The following PLPP4 variants were observed in gnomAD, a reference collection of about 807,000 sequenced individuals.
PLPP4 encodes phospholipid phosphatase 4, also known as diacylglycerol pyrophosphate like 2.
PLPP4 carries 20 observed loss-of-function variants against 32.2 expected under a neutral mutation model. The observed-to-expected ratio is 0.62, with a 90% CI of 0.44 to 0.90. The LOEUF (loss-of-function observed/expected upper bound fraction) is 0.90, where lower values mean the gene tolerates loss of function less well. Ranked by LOEUF, PLPP4 falls within the 40% of genes least tolerant of loss-of-function variation. The pLI is 0.00. For missense variants in PLPP4, 257 were observed against 353.1 expected (o/e 0.73, Z 2.18); for synonymous variants, 127 against 133.0 (o/e 0.95, Z 0.31).
At chr10:120,494,831 T>C (rs1196191055) in intron 1 of PLPP4, among the ~76,000 whole-genome samples, 1 of 152,234 alleles carries the variant, frequency 6.6e-6, no homozygotes, top group Non-Finnish European at 1.5e-5. Flanking sequence ...CATCAAACTT[T>C]GCTCTGCAAA....
chr10:120,472,729 T>G (rs147983658), intron 1 of PLPP4, among the ~76,000 whole-genome samples: 98 of 152,288 alleles, frequency 6.4e-4, no homozygotes, highest in African/African-American at 2.3e-3. Flanking sequence ...ACATATATAT[T>G]AGACAGTTTG....
intron 5 of PLPP4, among the ~76,000 whole-genome samples, chr10:120,572,696 G>A (rs1254569098): frequency 2.0e-5 from 3 of 152,176 alleles, no homozygotes; most frequent in Non-Finnish European, 4.4e-5. Context: ...AAGGAGCTCA[G>A]GATGGGATCA....
chr10:120,571,236 A>G (rs566036759), intron 5 of PLPP4, among the ~76,000 whole-genome samples: 1 of 151,918 alleles, frequency 6.6e-6, no homozygotes, highest in Non-Finnish European at 1.5e-5. Context: ...TTCTACTTAT[A>G]TTTCTGTTGT....
At position 120,590,799 on chromosome 10, in the gene PLPP4, G is replaced by A. The variant is rs577442474; in HGVS notation, c.*1297G>A. 2.1e-4 allele frequency among the ~76,000 whole-genome samples: 29 copies of A among 137,890 alleles called. No individual in the cohort carries two copies. The highest frequency in any genetic ancestry group is 4.5e-3 in the Middle Eastern group (1 of 220). The allele number at this position is 137,890 out of a possible 152,430, so 90.5% of individuals were successfully genotyped here. A position where few individuals can be genotyped will look rare whatever the true frequency, so the allele number is the denominator to read the frequency against. On this transcript the variant is annotated 3_prime_UTR_variant, in exon 7 of 7. Coordinates refer to ENST00000398250, the MANE Select transcript of PLPP4 (RefSeq NM_001030059.3). ...TTTTTTTTTTTTGAGATGGAGTCTC[G>A]CTGTGTCGAGACTGCACTGGAGTGC...
At chr10:120,504,160 A>G (rs1259454171) in intron 2 of PLPP4, among the ~76,000 whole-genome samples, 2 of 152,212 alleles carry the variant, frequency 1.3e-5, no homozygotes, top group African/African-American at 4.8e-5. Flanking sequence ...TAGCACTCAA[A>G]CATAAATTTA....
intron 2 of PLPP4, among the ~76,000 whole-genome samples, chr10:120,509,083 G>T (rs1391450619): frequency 1.3e-5 from 2 of 152,152 alleles, no homozygotes; most frequent in Non-Finnish European, 2.9e-5. Context: ...TTCTTTATCT[G>T]TGAAAGGTGT....
chr10:120,466,849 T>G (rs995840263), intron 1 of PLPP4, among the ~76,000 whole-genome samples: 1 of 152,138 alleles, frequency 6.6e-6, no homozygotes, highest in Non-Finnish European at 1.5e-5. Flanking sequence ...TGTTAGGTGC[T>G]AAAGCCAGTC....
At chr10:120,571,093 CGTGTGTGTGTGTGTGTGTGTGTGT>C (rs60011757) in intron 5 of PLPP4, among the ~76,000 whole-genome samples, 5 of 144,620 alleles carry the variant, frequency 3.5e-5, no homozygotes, top group Non-Finnish European at 7.5e-5. Flanking sequence ...AGTAAAGGGG[CGTGTGTGTGTGTGTGTGTGTGTGT>C]GTGTGTGTGT....
intron 1 of PLPP4, among the ~76,000 whole-genome samples, chr10:120,486,804 G>A (rs1337250562): frequency 6.6e-6 from 1 of 152,330 alleles, no homozygotes; most frequent in East Asian, 1.9e-4. Context: ...CCAAGGGAAT[G>A]GTGTGACGAG....
At chr10:120,515,200 TC>T (rs1433255522) in intron 3 of PLPP4, among the ~76,000 whole-genome samples, 2 of 152,036 alleles carry the variant, frequency 1.3e-5, no homozygotes, top group African/African-American at 4.8e-5. Flanking sequence ...CTCACAGACA[TC>T]CAAGAAAAAG....
At chr10:120,518,998 A>G (rs1846045684) in intron 4 of PLPP4, 102 bp downstream of exon 4, 3 of 755,100 alleles carry the variant, frequency 4.0e-6, no homozygotes, top group Admixed American at 5.1e-5. Context: ...GAGCTCATCT[A>G]GTTCTCCCTT....
chr10:120,536,291 A>G (rs1847013767), intron 5 of PLPP4, among the ~76,000 whole-genome samples: 1 of 152,112 alleles, frequency 6.6e-6, no homozygotes, highest in Non-Finnish European at 1.5e-5. Context: ...CCTGATTTCA[A>G]ATTATATTAT....
chr10:120,570,907 A>G (rs1200427457), intron 5 of PLPP4, among the ~76,000 whole-genome samples: 2 of 152,136 alleles, frequency 1.3e-5, no homozygotes, highest in Admixed American at 1.3e-4. Context: ...CAGGGTGAAA[A>G]GTCATTATCT....
intron 1 of PLPP4, among the ~76,000 whole-genome samples, chr10:120,466,193 G>C (rs1388831525): frequency 6.6e-6 from 1 of 152,164 alleles, no homozygotes; most frequent in Non-Finnish European, 1.5e-5. Context: ...TAATGGGCCT[G>C]GCAAGTGACA....
At chr10:120,481,293 A>G (rs1844192540) in intron 1 of PLPP4, among the ~76,000 whole-genome samples, 1 of 152,146 alleles carries the variant, frequency 6.6e-6, no homozygotes, top group South Asian at 2.1e-4. Flanking sequence ...TGAGGACTGT[A>G]CCATGTGCAG....
chr10:120,567,543 T>C (rs1848746811), intron 5 of PLPP4, among the ~76,000 whole-genome samples: 2 of 152,230 alleles, frequency 1.3e-5, no homozygotes, highest in Non-Finnish European at 2.9e-5. Flanking sequence ...CAATGCCATC[T>C]TGGATTAAAT....
At chr10:120,519,039 T>C in intron 4 of PLPP4, 143 bp downstream of exon 4, 2 of 503,322 alleles carry the variant, frequency 4.0e-6, no homozygotes, top group East Asian at 3.1e-5. Context: ...TTTCCATCCT[T>C]AGCACAGATC....
chr10:120,572,178 G>A (rs1022238401), intron 5 of PLPP4, among the ~76,000 whole-genome samples: 5 of 152,296 alleles, frequency 3.3e-5, no homozygotes, highest in African/African-American at 9.6e-5. Flanking sequence ...CCGCCGTGTG[G>A]GAGAGAATAC....
chr10:120,562,542 A>T (rs994113856), intron 5 of PLPP4, among the ~76,000 whole-genome samples: 1 of 152,210 alleles, frequency 6.6e-6, no homozygotes, highest in African/African-American at 2.4e-5. Context: ...CGTCTGACCA[A>T]TAAGTAGGAC....
Sources: gnomAD v4.1 joint callset for allele counts (sites outside exome capture counted in the v4.1 genomes callset) on GRCh38, gnomAD v4.1.1 for gene constraint, MANE v1.5 for transcripts, NCBI Gene and HGNC (gene_info 2026-07-23, HGNC 2026-07-21) for gene names.